The following NIPBL variants were observed in gnomAD, a reference collection of about 807,000 sequenced individuals.
NIPBL encodes nipped-B-like protein.
A neutral mutation model predicts 321.8 loss-of-function variants in NIPBL; 19 were observed. The ratio of observed to expected loss-of-function variants is 0.06; its 90% CI spans 0.04 to 0.09. The LOEUF (loss-of-function observed/expected upper bound fraction) is 0.09, where lower values mean the gene tolerates loss of function less well. Ranked by LOEUF, NIPBL falls within the 10% of genes least tolerant of loss-of-function variation. NIPBL has a pLI of 1.00. For missense variants in NIPBL, 2,210 were observed against 3,327.0 expected (o/e 0.66, Z 8.26); for synonymous variants, 1,106 against 1,114.1 (o/e 0.99, Z 0.14).
rs911504044 is a variant in NIPBL at position 36,958,293 on chromosome 5, T to C, written c.358+62T>C. On this transcript the variant is annotated intron_variant, in intron 4 of 46. Coordinates refer to ENST00000282516, the MANE Select transcript of NIPBL (RefSeq NM_133433.4). ...TGTTTTATACATATTTAAATCCAGG[T>C]GTCTTCTTTAACAAGCTGGCCTATC... is the stretch of plus-strand genomic sequence containing the variant. 4 of 1,562,686 alleles carry C rather than the reference T, an allele frequency of 2.6e-6. No homozygotes were observed. In the African/African-American group the frequency reaches 5.4e-5, roughly 21 times the overall value.
At chr5:36,986,832 A>T (rs1269907085) in intron 10 of NIPBL, among the ~76,000 whole-genome samples, 3 of 152,134 alleles carry the variant, frequency 2.0e-5, no homozygotes, top group Admixed American at 6.6e-5. Flanking sequence ...TGCAAAGGTA[A>T]TAGGGAATGG....
intron 9 of NIPBL, among the ~76,000 whole-genome samples, chr5:36,982,641 TATATC>T (rs1406626777): frequency 2.0e-5 from 3 of 151,856 alleles, no homozygotes; most frequent in Non-Finnish European, 4.4e-5. Flanking sequence ...TTAAATAAAA[TATATC>T]ATTTCTTTGA....
intron 34 of NIPBL, among the ~76,000 whole-genome samples, chr5:37,041,402 T>G (rs1579543110): frequency 1.3e-5 from 2 of 151,524 alleles, no homozygotes; most frequent in South Asian, 4.2e-4. Context: ...TAGCTGAGAT[T>G]ACAGGTGCAC....
intron 10 of NIPBL, chr5:36,995,028 T>A (rs1279275324): frequency 6.6e-6 from 1 of 152,296 alleles, no homozygotes; most frequent in Non-Finnish European, 1.5e-5. Flanking sequence ...GATTTGTCTG[T>A]TTGAAGAAGT....
chr5:37,033,685 T>TACACACACACACACACAC (rs372949399), intron 32 of NIPBL, among the ~76,000 whole-genome samples: 1 of 65,046 alleles, frequency 1.5e-5, no homozygotes, highest in African/African-American at 8.8e-5. Context: ...TATATGTACA[T>TACACACACACACACACAC]ACACACACAC....
intron 6 of NIPBL, among the ~76,000 whole-genome samples, chr5:36,967,167 T>G (rs1580351328): frequency 6.6e-6 from 1 of 152,202 alleles, no homozygotes; most frequent in East Asian, 1.9e-4. Context: ...AATAGCCAAG[T>G]CGATACAGAA....
At chr5:36,911,889 T>G (rs1748078656) in intron 1 of NIPBL, among the ~76,000 whole-genome samples, 1 of 152,158 alleles carries the variant, frequency 6.6e-6, no homozygotes. Context: ...TGAGTAGAGA[T>G]GTAGATAAGC....
At chr5:36,901,500 CTTTTTTTT>C (rs35178851) in intron 1 of NIPBL, among the ~76,000 whole-genome samples, 6 of 77,412 alleles carry the variant, frequency 7.8e-5, no homozygotes, top group Admixed American at 5.0e-4. Flanking sequence ...CTTCTAAGTC[CTTTTTTTT>C]TTTTTTTTTT....
At chr5:37,056,800 AT>A (rs1297176893) in intron 42 of NIPBL, among the ~76,000 whole-genome samples, 2 of 152,176 alleles carry the variant, frequency 1.3e-5, no homozygotes, top group African/African-American at 2.4e-5. Context: ...TATCATAAAG[AT>A]TCCATATACT....
At chr5:37,064,050 C>A in intron 46 of NIPBL, 72 bp downstream of exon 46, 1 of 1,570,040 alleles carries the variant, frequency 6.4e-7, no homozygotes, top group South Asian at 1.2e-5. Context: ...TTATATATGT[C>A]AGTCTATTAA....
rs1015919552 is a variant in NIPBL, at chr5:37,066,009, A to G, written c.*1117A>G. ...AATTACACTCACTACATTTTTCACA[A>G]ATTATTTTTTAATGCTGAAAAGAGT... On this transcript the variant is annotated 3_prime_UTR_variant, in exon 47 of 47. Coordinates refer to ENST00000282516, the MANE Select transcript of NIPBL (RefSeq NM_133433.4). 6.6e-6 allele frequency: 1 copy of G among 152,198 alleles called. No homozygotes were observed. Among genetic ancestry groups the G allele is most frequent in the African/African-American group, 2.4e-5 (1 of 41,448 alleles). 9.4% of individuals were successfully genotyped at this position (152,198 alleles called of 1,614,324 possible).
In NIPBL at chr5:37,041,205, G is replaced by A. The variant is rs115426654; in HGVS notation, c.6108+2467G>A. 2.3e-3 allele frequency among the ~76,000 whole-genome samples: 309 copies of A among 136,296 alleles called. 1 individual carries two copies. Among genetic ancestry groups the A allele is most frequent in the African/African-American group, 8.4e-3 (303 of 36,230 alleles). The allele number at this position is 136,296 out of a possible 152,430, so 89.4% of individuals were successfully genotyped here. ...TTTACTTGATTTTCCAGGCCAGGAT[G>A]TTAAGGGAAGGTTCAGAAAATGCTA... On this transcript the variant is annotated intron_variant, in intron 34 of 46. Transcript: ENST00000282516.
intron 1 of NIPBL, among the ~76,000 whole-genome samples, chr5:36,897,558 TAAAC>T (rs773344357): frequency 3.9e-5 from 6 of 152,296 alleles, no homozygotes; most frequent in East Asian, 1.9e-4. Flanking sequence ...CTTTGTGACT[TAAAC>T]AAACTTACGC....
At chr5:37,047,204 A>G (rs1429880082) in intron 38 of NIPBL, among the ~76,000 whole-genome samples, 5 of 152,124 alleles carry the variant, frequency 3.3e-5, no homozygotes, top group African/African-American at 9.7e-5. Context: ...GAGGTTCTGG[A>G]GCCAATCCCC....
intron 6 of NIPBL, among the ~76,000 whole-genome samples, chr5:36,966,155 G>A (rs1026813537): frequency 4.6e-5 from 7 of 151,992 alleles, no homozygotes; most frequent in African/African-American, 1.7e-4. Flanking sequence ...TCTTTTCAAA[G>A]CATGTTCAAA....
intron 6 of NIPBL, 111 bp downstream of exon 6, chr5:36,962,385 A>T (rs1741723139): frequency 1.2e-5 from 13 of 1,082,838 alleles, no homozygotes; most frequent in Admixed American, 1.8e-5. Flanking sequence ...TATACTGTAT[A>T]CTTGTCAGTA....
At chr5:36,941,461 C>T (rs2149583824) in intron 1 of NIPBL, among the ~76,000 whole-genome samples, 1 of 142,420 alleles carries the variant, frequency 7.0e-6, no homozygotes, top group South Asian at 2.2e-4. Context: ...ATGTTATGGA[C>T]AAGGGGAATC....
intron 9 of NIPBL, among the ~76,000 whole-genome samples, chr5:36,977,579 G>C (rs898930502): frequency 3.4e-5 from 5 of 147,850 alleles, no homozygotes; most frequent in Admixed American, 6.8e-5. Flanking sequence ...ACTGGCTAGG[G>C]AGCTGGGTTT....
chr5:37,055,356 T>TAAAAAAA (rs57488198), intron 42 of NIPBL, among the ~76,000 whole-genome samples: 17 of 84,628 alleles, frequency 2.0e-4, no homozygotes, highest in African/African-American at 5.1e-4. Context: ...ATCTCAACAG[T>TAAAAAAA]AAAAAAAAAA....
Sources: gnomAD v4.1 joint callset for allele counts (sites outside exome capture counted in the v4.1 genomes callset) on GRCh38, gnomAD v4.1.1 for gene constraint, MANE v1.5 for transcripts, NCBI Gene and HGNC (gene_info 2026-07-23, HGNC 2026-07-21) for gene names.